The following MIB2 variants were observed in gnomAD, a reference collection of about 807,000 sequenced individuals.
MIB2 encodes the protein MIB E3 ubiquitin protein ligase 2.
Under a neutral mutation model 96.6 loss-of-function variants are expected in MIB2, and 78 were observed. That is an observed-to-expected ratio of 0.81 (90% confidence interval 0.67 to 0.97). MIB2 has a LOEUF of 0.97. Ranked by LOEUF, MIB2 falls within the 50% of genes least tolerant of loss-of-function variation. The pLI is 0.00. For synonymous variants in MIB2, 820 were observed against 629.5 expected, an observed-to-expected ratio of 1.30 and a Z score of -4.53; for missense variants, 1,543 against 1,424.0, an observed-to-expected ratio of 1.08 and a Z score of -1.35.
At position 1,625,552 on chromosome 1, in the gene MIB2, G is replaced by A. The variant is rs747426839; in HGVS notation, c.871G>A (p.Gly291Arg). The A allele has an allele frequency of 3.9e-5, 61 of 1,579,410 alleles. No homozygotes were observed. Among genetic ancestry groups the A allele is most frequent in the African/African-American group, 5.4e-5 (4 of 74,124 alleles). ...GCTCCATGACCCGCCACAGTTTATC[G>A]GACAGACGGGCACCGTGCATCGTAT... ...GWNPRMAEFI[G>R]QTGTVHRITD... The change falls in exon 8 of 20, where the codon GGA (glycine) becomes AGA (arginine). Residue 291 changes from glycine (G) to arginine (R), a missense_variant. Physicochemically the swap from Gly to Arg is moderately radical, Grantham distance 125. Coordinates refer to ENST00000355826, the MANE Select transcript of MIB2 (RefSeq NM_001170687.4). The surrounding 1 kb of genome is among the most constrained non-coding windows in gnomAD (Gnocchi z 5.0).
chr1:1,628,024 C>T lies in MIB2; in HGVS notation c.1686C>T (p.Ala562=). 6.2e-7 allele frequency: 1 copy of T among 1,612,638 alleles called. No homozygotes were observed. Among genetic ancestry groups the T allele is most frequent in the Non-Finnish European group, 8.5e-7 (1 of 1,179,658 alleles). ...CACTGACTCCGCCCCAGCAGGACGC[C>T]CACTCGGACACGCCCCTGCACTCCG... ...ERGCDVNLPD[A]HSDTPLHSAI... The change falls in exon 14 of 20, where the codon GCC becomes GCT. Residue 562 remains alanine (A), a synonymous_variant. Coordinates refer to ENST00000355826, the MANE Select transcript of MIB2 (RefSeq NM_001170687.4).
Position 1,627,735 on chromosome 1 carries a change from G to A in MIB2, c.1586G>A (p.Ser529Asn), listed in dbSNP as rs772435061. ...SAGCRADAIN[S>N]TQSTALHVAV... ...GGGTGCCGGGCGGACGCCATCAACA[G>A]CACCCAGAGCACAGCACTGCACGTG... The change falls in exon 13 of 20, where the codon AGC (serine) becomes AAC (asparagine). Residue 529 changes from serine to asparagine, a missense_variant. Transcript: ENST00000355826. 7 of 1,595,732 alleles carry A rather than the reference G, an allele frequency of 4.4e-6. No individual in the cohort carries two copies. In the East Asian group the frequency reaches 1.3e-4, roughly 31 times the overall value.
At chr1:1,615,369 A>T (rs1257150697), upstream of MIB2, 2 of 1,420,414 alleles carry the variant, frequency 1.4e-6, no homozygotes, top group African/African-American at 3.0e-5. Flanking sequence ...CTCGGAACCT[A>T]GCTGCGCCAC....
intron 2 of MIB2, among the ~76,000 whole-genome samples, chr1:1,622,418 C>T (rs192910933): frequency 3.3e-5 from 5 of 152,270 alleles, no homozygotes; most frequent in African/African-American, 1.2e-4. Flanking sequence ...CGGTGACTCA[C>T]GTCTGCAGAG....
chr1:1,629,732 G>C, intron 19 of MIB2, 28 bp downstream of exon 19: 2 of 1,558,098 alleles, frequency 1.3e-6, no homozygotes, highest in Admixed American at 1.9e-5. Context: ...CCCCCAACAC[G>C]CCTCCTGCTC....
At chr1:1,623,141 T>C in intron 2 of MIB2, 2 of 516,102 alleles carry the variant, frequency 3.9e-6, no homozygotes, top group Non-Finnish European at 6.8e-6. Context: ...GCGTTATTTG[T>C]GAACCTTTCA....
At chr1:1,628,888 C>T (rs1448731561) in intron 16 of MIB2, 166 bp downstream of exon 16, 6 of 743,884 alleles carry the variant, frequency 8.1e-6, no homozygotes, top group Non-Finnish European at 1.3e-5. Flanking sequence ...ATCCTTCAGC[C>T]TGCACCCCTA....
chr1:1,625,558 A>T lies in MIB2; in HGVS notation c.877A>T (p.Thr293Ser). The change falls in exon 8 of 20, where the codon ACG becomes TCG. Residue 293 changes from threonine (T) to serine (S), a missense_variant. By Grantham distance (58) the Thr-to-Ser change is moderately conservative (BLOSUM62 1). Coordinates refer to ENST00000355826, the MANE Select transcript of MIB2 (RefSeq NM_001170687.4). This position sits in a 1 kb window ranked among gnomAD's most constrained non-coding sequence, Gnocchi z 5.0. ...TGACCCGCCACAGTTTATCGGACAG[A>T]CGGGCACCGTGCATCGTATCACGGA... Reference protein sequence around the residue: ...NPRMAEFIGQTGTVHRITDRG... With the variant: ...NPRMAEFIGQSGTVHRITDRG... 1 of 1,581,744 alleles carries T rather than the reference A, an allele frequency of 6.3e-7. No homozygotes were observed. The highest frequency in any genetic ancestry group is 8.6e-7 in the Non-Finnish European group (1 of 1,164,374).
intron 13 of MIB2, 75 bp downstream of exon 13, chr1:1,627,904 G>C: frequency 6.3e-7 from 1 of 1,596,248 alleles, no homozygotes; most frequent in Non-Finnish European, 8.5e-7. Flanking sequence ...CTCTGCCCAT[G>C]TGTGCTGCTC....
At chr1:1,615,431 CT>C, upstream of MIB2, 1 of 1,495,152 alleles carries the variant, frequency 6.7e-7, no homozygotes, top group Non-Finnish European at 8.8e-7. Flanking sequence ...GGTGCTTGCC[CT>C]GCCCATCCCC....
chr1:1,623,530 G>A lies in MIB2; in HGVS notation c.78G>A (p.Gln26=). Residue 26 remains glutamine (Q), a synonymous_variant, in exon 3 of 20, where the codon CAG becomes CAA. Coordinates refer to ENST00000355826, the MANE Select transcript of MIB2 (RefSeq NM_001170687.4). ...VRGVDWKWGQ[Q]DGGEGGVGTV... Reference sequence around the variant, plus strand: ...GCGTGGACTGGAAGTGGGGCCAGCAGGACGGCGGCGAGGGCGGCGTGGGCA... The same window carrying A: ...GCGTGGACTGGAAGTGGGGCCAGCAAGACGGCGGCGAGGGCGGCGTGGGCA... 1 of 1,546,378 alleles carries A rather than the reference G, an allele frequency of 6.5e-7. No homozygotes were observed. Among genetic ancestry groups the A allele is most frequent in the Non-Finnish European group, 8.7e-7 (1 of 1,149,168 alleles).
chr1:1,620,427 T>C (rs1052277806), intron 2 of MIB2, among the ~76,000 whole-genome samples: 3 of 152,162 alleles, frequency 2.0e-5, no homozygotes, highest in Admixed American at 2.0e-4. Flanking sequence ...TGAGCCCTGC[T>C]CTGGCTAAGT....
rs1460353390 is a variant in MIB2, at chr1:1,615,733, C to G, written c.-130+100C>G. 2.7e-6 allele frequency: 4 copies of G among 1,486,212 alleles called. No individual in the cohort carries two copies. In the African/African-American group the frequency reaches 5.9e-5, roughly 22 times the overall value. 92.1% of individuals were successfully genotyped at this position (1,486,212 alleles called of 1,614,324 possible). On this transcript the variant is annotated intron_variant, in intron 1 of 19. Coordinates refer to ENST00000355826, the MANE Select transcript of MIB2 (RefSeq NM_001170687.4). ...GAGCGCCGTCCGGTTCCCGCTCCCGCTGGCCCAGCAGCCCCGGGCTGGACT... is the reference window on the plus strand; with the variant it reads ...GAGCGCCGTCCGGTTCCCGCTCCCGGTGGCCCAGCAGCCCCGGGCTGGACT...
Position 1,627,389 on chromosome 1 carries a change from G to A in MIB2, c.1468G>A (p.Gly490Ser), listed in dbSNP as rs778122974. 3 of 1,613,044 alleles carry A rather than the reference G, an allele frequency of 1.9e-6. No individual in the cohort carries two copies. Among genetic ancestry groups the A allele is most frequent in the South Asian group, 1.1e-5 (1 of 91,080 alleles). The change falls in exon 12 of 20, where the codon GGC (glycine) becomes AGC (serine). Residue 490 changes from glycine to serine, a missense_variant. Physicochemically the swap from Gly to Ser is moderately conservative, Grantham distance 56. Coordinates refer to ENST00000355826, the MANE Select transcript of MIB2 (RefSeq NM_001170687.4). ...LIRLLLQARA[G>S]VDLPDDEGNT... ...ACGGCTGCTGCTACAAGCCAGGGCG[G>A]GCGTGGACCTGCCGGACGACGAGGG...
chr1:1,625,455 T>G lies in MIB2; in HGVS notation c.864+27T>G, dbSNP rs1237538912. 1 of 1,562,760 alleles carries G rather than the reference T, an allele frequency of 6.4e-7. No homozygotes were observed. Among genetic ancestry groups the G allele is most frequent in the East Asian group, 2.4e-5 (1 of 41,810 alleles). Reference sequence around the variant, plus strand: ...TGAGCCGCCCCGCCGTGGAGCCCTGTGTGCCCTGCCCTCCCAGCCCTCCGC... The same window carrying G: ...TGAGCCGCCCCGCCGTGGAGCCCTGGGTGCCCTGCCCTCCCAGCCCTCCGC... On this transcript the variant is annotated intron_variant, in intron 7 of 19. Coordinates refer to ENST00000355826, the MANE Select transcript of MIB2 (RefSeq NM_001170687.4). This position sits in a 1 kb window ranked among gnomAD's most constrained non-coding sequence, Gnocchi z 5.0.
At chr1:1,629,846 CCCCCCAG>C (rs1390320718) in intron 19 of MIB2, 142 bp downstream of exon 19, 16,703 of 880,348 alleles carry the variant, frequency 0.019, 293 homozygotes, top group Non-Finnish European at 0.02. Flanking sequence ...TCACACCCGG[CCCCCCAG>C]CCCCCAGCCC....
chr1:1,629,339 T>A, intron 17 of MIB2, 28 bp downstream of exon 17: 1 of 1,443,280 alleles, frequency 6.9e-7, no homozygotes, highest in African/African-American at 1.5e-5. Flanking sequence ...GGGGATGGGG[T>A]CCGGCGGCCT....
rs865992148 is a variant in MIB2, at chr1:1,627,948, C to T, written c.1681-71C>T. The T allele has an allele frequency of 1.1e-5, 17 of 1,605,608 alleles. 1 individual carries two copies. In the South Asian group the frequency reaches 1.3e-4, roughly 12 times the overall value. On this transcript the variant is annotated intron_variant, in intron 13 of 19. Transcript: ENST00000355826. The stretch of plus-strand genomic sequence containing the variant: ...GGGTGCCCCCTGCCCGTGAGTGCTG[C>T]TCCCTGGGTGCCCTGGCTCTTGACC...
At chr1:1,615,744 G>A (rs1643556728) in intron 1 of MIB2, 111 bp downstream of exon 1, 1 of 1,468,930 alleles carries the variant, frequency 6.8e-7, no homozygotes, top group Non-Finnish European at 9.0e-7. Flanking sequence ...TGGCCCAGCA[G>A]CCCCGGGCTG....
Sources: allele counts gnomAD v4.1 joint callset (sites outside exome capture counted in the v4.1 genomes callset), GRCh38; gene constraint gnomAD v4.1.1; non-coding constraint Gnocchi (gnomAD v3.1); transcripts MANE v1.5; gene names NCBI Gene and HGNC (gene_info 2026-07-23, HGNC 2026-07-21).